Variants in STXBP5 observed in about 807,000 individuals in gnomAD.
STXBP5 encodes syntaxin binding protein 5.
In STXBP5, 50 loss-of-function variants were observed where a neutral mutation model predicts 152.4. The observed-to-expected ratio is 0.33, with a 90% CI of 0.26 to 0.42. The LOEUF is 0.42. Among genes scored for constraint, STXBP5 ranks in the 10% least tolerant of loss-of-function variants. The pLI is 1.00. For synonymous variants in STXBP5, 492 were observed against 494.7 expected (o/e 0.99, Z 0.07); for missense variants, 1,167 against 1,388.6 (o/e 0.84, Z 2.54).
intron 18 of STXBP5, 122 bp downstream of exon 18, chr6:147,327,398 C>A: frequency 8.7e-7 from 1 of 1,155,636 alleles, no homozygotes; most frequent in Non-Finnish European, 1.2e-6. Flanking sequence ...TATATATAAA[C>A]TGCCAAAAAC....
intron 23 of STXBP5, 132 bp from the exon 24 acceptor site, chr6:147,363,203 C>G: frequency 1.1e-6 from 1 of 943,896 alleles, no homozygotes; most frequent in East Asian, 2.7e-5. Flanking sequence ...CGAATCCTGT[C>G]AATGAGCCAG....
At chr6:147,276,523 T>C (rs1039114963) in intron 7 of STXBP5, among the ~76,000 whole-genome samples, 6 of 152,158 alleles carry the variant, frequency 3.9e-5, no homozygotes, top group Non-Finnish European at 8.8e-5. Context: ...ATATACATGA[T>C]ATACATTTAT....
chr6:147,267,709 G>T (rs1165805952), intron 7 of STXBP5, among the ~76,000 whole-genome samples: 1 of 151,752 alleles, frequency 6.6e-6, no homozygotes, highest in Non-Finnish European at 1.5e-5. Flanking sequence ...TTTGCCCTCA[G>T]ATTTCCTATA....
intron 18 of STXBP5, among the ~76,000 whole-genome samples, chr6:147,331,628 G>C (rs980700064): frequency 6.6e-6 from 1 of 152,054 alleles, no homozygotes; most frequent in African/African-American, 2.4e-5. Context: ...TGTTACTGTT[G>C]ACCACAACTT....
At position 147,316,402 on chromosome 6, in the gene STXBP5, T is replaced by C. The variant is rs148372399; in HGVS notation, c.1797T>C (p.Cys599=). The C allele has an allele frequency of 2.5e-3, 3,749 of 1,517,142 alleles. 8 individuals are homozygous for C. Among genetic ancestry groups the C allele is most frequent in the Admixed American group, 2.9e-3 (121 of 41,672 alleles). 94.0% of individuals were successfully genotyped at this position (1,517,142 alleles called of 1,614,324 possible). A position where few individuals can be genotyped will look rare whatever the true frequency, so the allele number is the denominator to read the frequency against. Residue 599 remains cysteine, a synonymous_variant, in exon 16 of 28, where the codon TGT becomes TGC. Transcript: ENST00000321680. ...SSDGLRDNVP[C]LKVKNSPLKQ... ...ATGGGCTTCGTGATAATGTACCTTG[T>C]TTAAAGTAAGTTATAAAAAACTACA... is the stretch of plus-strand genomic sequence containing the variant.
At chr6:147,303,521 C>T (rs1285703970) in intron 9 of STXBP5, among the ~76,000 whole-genome samples, 1 of 152,130 alleles carries the variant, frequency 6.6e-6, no homozygotes, top group Non-Finnish European at 1.5e-5. Flanking sequence ...CTAACTAATA[C>T]AGTAAATTGG....
intron 7 of STXBP5, among the ~76,000 whole-genome samples, 159 bp from the exon 8 acceptor site, chr6:147,277,922 G>A (rs995863303): frequency 3.3e-5 from 5 of 152,080 alleles, no homozygotes; most frequent in African/African-American, 7.2e-5. Context: ...AATCTCATTT[G>A]TATTACAAGA....
Position 147,316,288 on chromosome 6 carries a change from G to A in STXBP5, c.1683G>A (p.Gln561=), listed in dbSNP as rs1017538930. ...ATGTGGAAACTCCGGAGGGTGAGCAGCCACCACCTTTGCCAACACCCGTGG... is the reference window on the plus strand; with the variant it reads ...ATGTGGAAACTCCGGAGGGTGAGCAACCACCACCTTTGCCAACACCCGTGG... The part of the protein sequence containing the change: ...INDVETPEGE[Q]PPPLPTPVGG... The change falls in exon 16 of 28, where the codon CAG becomes CAA. Residue 561 remains glutamine, a synonymous_variant. Coordinates refer to ENST00000321680, the MANE Select transcript of STXBP5 (RefSeq NM_001127715.4). 2 of 1,613,852 alleles carry A rather than the reference G, an allele frequency of 1.2e-6. No individual in the cohort carries two copies. Among genetic ancestry groups the A allele is most frequent in the Non-Finnish European group, 1.7e-6 (2 of 1,179,980 alleles).
intron 2 of STXBP5, among the ~76,000 whole-genome samples, chr6:147,211,764 G>A (rs1268221592): frequency 2.0e-5 from 3 of 151,928 alleles, no homozygotes; most frequent in Non-Finnish European, 4.4e-5. Flanking sequence ...TATTTTTGGC[G>A]GAGACAGAGT....
chr6:147,349,548 C>T (rs1186783336), intron 21 of STXBP5, among the ~76,000 whole-genome samples: 2 of 152,144 alleles, frequency 1.3e-5, no homozygotes, highest in African/African-American at 2.4e-5. Context: ...CATCTTGTTT[C>T]GTGAAAATGT....
At chr6:147,310,851 C>T (rs1296767032) in intron 10 of STXBP5, among the ~76,000 whole-genome samples, 4 of 152,068 alleles carry the variant, frequency 2.6e-5, no homozygotes, top group Admixed American at 1.3e-4. Flanking sequence ...ATGCTAATCA[C>T]ATCTGAATAT....
intron 4 of STXBP5, among the ~76,000 whole-genome samples, chr6:147,253,508 G>A (rs1051919451): frequency 1.3e-5 from 2 of 152,190 alleles, no homozygotes; most frequent in African/African-American, 4.8e-5. Context: ...AAGACAGGAA[G>A]TCAAATTGTC....
chr6:147,245,011 T>TTA (rs1491321309), intron 4 of STXBP5, among the ~76,000 whole-genome samples: 16 of 143,392 alleles, frequency 1.1e-4, no homozygotes, highest in African/African-American at 3.0e-4. Context: ...TTTTTTTTTT[T>TTA]AGAGGGAATC....
intron 19 of STXBP5, among the ~76,000 whole-genome samples, chr6:147,338,061 A>C (rs963425801): frequency 8.5e-5 from 13 of 152,118 alleles, no homozygotes; most frequent in Non-Finnish European, 1.2e-4. Context: ...TTACTGGGAT[A>C]TTTTTAAAGC....
intron 21 of STXBP5, among the ~76,000 whole-genome samples, chr6:147,341,362 G>A (rs1334918028): frequency 6.6e-6 from 1 of 152,052 alleles, no homozygotes; most frequent in Non-Finnish European, 1.5e-5. Flanking sequence ...ATGAAGCTGT[G>A]GTGTCAAAAG....
chr6:147,249,103 G>T (rs620715), intron 4 of STXBP5, among the ~76,000 whole-genome samples: 74,709 of 152,038 alleles, frequency 0.49, 18,579 homozygotes, highest in East Asian at 0.72. Context: ...CAGAAAGGGA[G>T]GCAGGAATGC....
At chr6:147,256,162 C>A (rs1461619503) in intron 4 of STXBP5, among the ~76,000 whole-genome samples, 1 of 152,208 alleles carries the variant, frequency 6.6e-6, no homozygotes, top group African/African-American at 2.4e-5. Flanking sequence ...CCACATGAAG[C>A]TCATGAGCAG....
At chr6:147,278,974 G>A (rs958212000) in intron 8 of STXBP5, among the ~76,000 whole-genome samples, 5 of 152,062 alleles carry the variant, frequency 3.3e-5, no homozygotes, top group Admixed American at 2.0e-4. Flanking sequence ...ACCACAATTC[G>A]AGACTCCCAG....
At chr6:147,355,734 G>A (rs541614446) in intron 22 of STXBP5, among the ~76,000 whole-genome samples, 1 of 152,208 alleles carries the variant, frequency 6.6e-6, no homozygotes, top group Non-Finnish European at 1.5e-5. Context: ...AGGTAGTTAT[G>A]TAGATTCAAT....
Sources: allele counts gnomAD v4.1 joint callset (sites outside exome capture counted in the v4.1 genomes callset), GRCh38; gene constraint gnomAD v4.1.1; transcripts MANE v1.5; gene names NCBI Gene and HGNC (gene_info 2026-07-23, HGNC 2026-07-21).